KLHL1: variants seen among roughly 807,000 people sequenced by gnomAD.
KLHL1 encodes kelch like family member 1, also known as kelch-like protein 1.
KLHL1 carries 47 observed loss-of-function variants against 77.7 expected under a neutral mutation model. The ratio of observed to expected loss-of-function variants is 0.60; its 90% confidence interval spans 0.48 to 0.77. The LOEUF (loss-of-function observed/expected upper bound fraction) is 0.77. KLHL1 is among the 30% of genes least tolerant of loss of function. The pLI, the probability that KLHL1 is intolerant of heterozygous loss-of-function variation, is 0.00. For missense variants in KLHL1, 925 were observed against 910.8 expected, an observed-to-expected ratio of 1.02 and a Z score of -0.20; for synonymous variants, 360 against 325.2, an observed-to-expected ratio of 1.11 and a Z score of -1.15.
intron 7 of KLHL1, among the ~76,000 whole-genome samples, chr13:69,771,610 A>T (rs1318460460): frequency 6.6e-6 from 1 of 152,160 alleles, no homozygotes; most frequent in Non-Finnish European, 1.5e-5. Flanking sequence ...TTCTAGTAAG[A>T]AGTAGTTATG....
intron 1 of KLHL1, among the ~76,000 whole-genome samples, chr13:70,058,639 C>T (rs1886803721): frequency 6.6e-6 from 1 of 152,084 alleles, no homozygotes; most frequent in Admixed American, 6.5e-5. Context: ...AAATGTACTA[C>T]ACAAGCAATC....
rs917974912 is a variant in KLHL1 at position 69,913,028 on chromosome 13, A to G, written c.1014+27012T>C. On this transcript the variant is annotated intron_variant, in intron 4 of 10. Coordinates refer to ENST00000377844, the MANE Select transcript of KLHL1 (RefSeq NM_020866.3). ...GTCATCAACAAGCAAGGCTTCTGAC[A>G]TCACCATCTAGTCCCTCATGGGGAT... Among the ~76,000 whole-genome samples the G allele has an allele frequency of 3.3e-5, 5 of 152,196 alleles. No homozygotes were observed. In the East Asian group the frequency reaches 9.6e-4, roughly 29 times the overall value.
chr13:69,924,878 G>A (rs942640453), intron 4 of KLHL1, among the ~76,000 whole-genome samples: 2 of 152,186 alleles, frequency 1.3e-5, no homozygotes, highest in Non-Finnish European at 2.9e-5. Flanking sequence ...CTGTTTGTGG[G>A]ACGCCTGGTC....
intron 1 of KLHL1, among the ~76,000 whole-genome samples, chr13:70,036,833 GTCTT>G (rs1757406057): frequency 1.2e-5 from 1 of 86,928 alleles, no homozygotes; most frequent in Non-Finnish European, 2.2e-5. Flanking sequence ...TAATGCCATG[GTCTT>G]TTTTTTTTTT....
At chr13:69,827,370 T>C (rs895156145) in intron 6 of KLHL1, among the ~76,000 whole-genome samples, 21 of 151,926 alleles carry the variant, frequency 1.4e-4, no homozygotes, top group Non-Finnish European at 2.9e-5. Flanking sequence ...TCAGTAAAAT[T>C]CTAAATAAAA....
intron 1 of KLHL1, among the ~76,000 whole-genome samples, chr13:70,055,475 G>A (rs186816785): frequency 6.6e-6 from 1 of 152,146 alleles, no homozygotes; most frequent in East Asian, 1.9e-4. Context: ...ATCCTCAGAA[G>A]ATACAAAAGT....
Position 69,840,083 on chromosome 13 carries a change from G to A in KLHL1, c.1228-921C>T, listed in dbSNP as rs1345323158. 2.6e-5 allele frequency among the ~76,000 whole-genome samples: 4 copies of A among 151,314 alleles called. No homozygotes were observed. In the East Asian group the frequency reaches 7.8e-4, roughly 29 times the overall value. ...AATTGTACCACATCTGTACACAAAT[G>A]TTCATTGAATGAATAAAAATGGCAG... On this transcript the variant is annotated intron_variant, in intron 5 of 10. Transcript: ENST00000377844.
chr13:69,855,320 ATAGATAG>A (rs1879848766), intron 5 of KLHL1, among the ~76,000 whole-genome samples: 2 of 138,568 alleles, frequency 1.4e-5, no homozygotes, highest in Admixed American at 7.4e-5. Flanking sequence ...AGATAGATAG[ATAGATAG>A]ATAGATAGAT....
intron 3 of KLHL1, among the ~76,000 whole-genome samples, chr13:69,950,668 T>C (rs1207724004): frequency 1.3e-5 from 2 of 151,728 alleles, no homozygotes; most frequent in Admixed American, 6.6e-5. Context: ...ATCACAGATA[T>C]GTTCTTTTGG....
intron 5 of KLHL1, among the ~76,000 whole-genome samples, chr13:69,879,588 C>T (rs1397453163): frequency 1.3e-5 from 2 of 152,108 alleles, no homozygotes; most frequent in South Asian, 2.1e-4. Context: ...AAAAATGTTT[C>T]CTGACCATTT....
intron 1 of KLHL1, among the ~76,000 whole-genome samples, chr13:70,053,735 T>TAG (rs1886681869): frequency 6.6e-6 from 1 of 152,122 alleles, no homozygotes; most frequent in Non-Finnish European, 1.5e-5. Context: ...AACCTCTACA[T>TAG]AAAATCACTG....
chr13:70,017,927 A>T (rs1341806110), intron 1 of KLHL1, among the ~76,000 whole-genome samples: 2 of 152,192 alleles, frequency 1.3e-5, no homozygotes, highest in Non-Finnish European at 2.9e-5. Context: ...TTGTATTTAA[A>T]TAAGAGTGTA....
intron 8 of KLHL1, among the ~76,000 whole-genome samples, chr13:69,734,247 G>A (rs964547610): frequency 4.6e-5 from 7 of 152,146 alleles, no homozygotes; most frequent in Non-Finnish European, 8.8e-5. Context: ...ACCATGTGAT[G>A]TGCCTGCTCC....
At chr13:69,924,013 C>T (rs1287987864) in intron 4 of KLHL1, among the ~76,000 whole-genome samples, 3 of 152,184 alleles carry the variant, frequency 2.0e-5, no homozygotes, top group African/African-American at 2.4e-5. Flanking sequence ...AGGCTAAGCC[C>T]GAGGGCTGTT....
At chr13:69,870,951 A>C (rs1880559124) in intron 5 of KLHL1, among the ~76,000 whole-genome samples, 1 of 152,132 alleles carries the variant, frequency 6.6e-6, no homozygotes, top group South Asian at 2.1e-4. Context: ...TGAGGTGCAA[A>C]CTGCCAGTGT....
At chr13:69,802,886 A>C (rs145320500) in intron 6 of KLHL1, 1 of 152,056 alleles carries the variant, frequency 6.6e-6, no homozygotes, top group Admixed American at 6.5e-5. Context: ...GTCCTGCTAC[A>C]TTTCTGGGTT....
At chr13:69,892,644 T>G (rs1881466838) in intron 4 of KLHL1, among the ~76,000 whole-genome samples, 1 of 152,256 alleles carries the variant, frequency 6.6e-6, no homozygotes, top group Admixed American at 6.5e-5. Context: ...TAAAGAATTT[T>G]ATTGTCAACC....
intron 7 of KLHL1, among the ~76,000 whole-genome samples, chr13:69,745,499 C>T (rs1486795661): frequency 6.6e-6 from 1 of 151,762 alleles, no homozygotes; most frequent in East Asian, 1.9e-4. Flanking sequence ...GTTAAGTTTA[C>T]TTGATTTAGG....
intron 4 of KLHL1, among the ~76,000 whole-genome samples, chr13:69,928,649 T>C (rs1882894195): frequency 2.0e-5 from 3 of 152,214 alleles, no homozygotes; most frequent in Non-Finnish European, 1.5e-5. Context: ...GAGTATATTA[T>C]GCTAAGGGAA....
Sources: gnomAD v4.1 joint callset for allele counts (sites outside exome capture counted in the v4.1 genomes callset) on GRCh38, gnomAD v4.1.1 for gene constraint, MANE v1.5 for transcripts, NCBI Gene and HGNC (gene_info 2026-07-23, HGNC 2026-07-21) for gene names.